ENTREP3: variants seen among roughly 807,000 people sequenced by gnomAD.
ENTREP3 encodes endosomal transmembrane epsin interactor 3.
chr1:155,250,350 T>C, the ENTREP3 span: 1 of 1,535,920 alleles, frequency 6.5e-7, no homozygotes, highest in Non-Finnish European at 8.8e-7. The surrounding 1 kb of genome is among the most constrained non-coding windows in gnomAD (Gnocchi z 5.4). Flanking sequence ...GGATGCCGGA[T>C]GAGGAGGCCG....
At chr1:155,250,279 T>C in the ENTREP3 span, 1 of 1,546,728 alleles carries the variant, frequency 6.5e-7, no homozygotes, top group South Asian at 1.2e-5. The surrounding 1 kb of genome is among the most constrained non-coding windows in gnomAD (Gnocchi z 5.4). Context: ...GGCTCACCAG[T>C]GTCACTGGAG....
chr1:155,252,259 G>A, the ENTREP3 span, among the ~76,000 whole-genome samples: 3 of 150,930 alleles, frequency 2.0e-5, no homozygotes, highest in Admixed American at 6.6e-5. Flanking sequence ...GTGCAGTGGC[G>A]CGATCTCAGC....
At chr1:155,255,235 G>A in the ENTREP3 span, 3 of 379,684 alleles carry the variant, frequency 7.9e-6, no homozygotes, top group Admixed American at 1.2e-4. This position sits in a 1 kb window ranked among gnomAD's most constrained non-coding sequence, Gnocchi z 5.6. Flanking sequence ...GCCCAGGGAG[G>A]GGTGGGGAGG....
the ENTREP3 span, chr1:155,254,438 C>G: frequency 6.2e-7 from 1 of 1,614,222 alleles, no homozygotes; most frequent in East Asian, 2.2e-5. This position sits in a 1 kb window ranked among gnomAD's most constrained non-coding sequence, Gnocchi z 4.4. Flanking sequence ...ACAATGCCAA[C>G]CACCCCGGAG....
the ENTREP3 span, among the ~76,000 whole-genome samples, chr1:155,249,599 C>T: frequency 6.6e-6 from 1 of 151,504 alleles, no homozygotes; most frequent in Non-Finnish European, 1.5e-5. Context: ...ACAAAAATTG[C>T]CCGGGCACGG....
At chr1:155,251,505 G>A in the ENTREP3 span, 1 of 1,611,990 alleles carries the variant, frequency 6.2e-7, no homozygotes, top group East Asian at 2.2e-5. Context: ...CTCTCACCTG[G>A]CTGTCTCCTC....
the ENTREP3 span, chr1:155,250,419 G>GTGGGCGGGGCTGCGGC: frequency 2.0e-6 from 3 of 1,499,800 alleles, no homozygotes; most frequent in African/African-American, 2.8e-5. This position sits in a 1 kb window ranked among gnomAD's most constrained non-coding sequence, Gnocchi z 5.4. Context: ...CGGGGCTCGG[G>GTGGGCGGGGCTGCGGC]TGGGCGGGGC....
chr1:155,249,644 C>T, the ENTREP3 span, among the ~76,000 whole-genome samples: 12 of 152,062 alleles, frequency 7.9e-5, no homozygotes, highest in African/African-American at 2.4e-4. Flanking sequence ...CTTTGGGAGG[C>T]CGAGGCGGGC....
chr1:155,250,298 G>A, the ENTREP3 span: 1 of 1,547,734 alleles, frequency 6.5e-7, no homozygotes, highest in East Asian at 2.5e-5. The surrounding 1 kb of genome is among the most constrained non-coding windows in gnomAD (Gnocchi z 5.4). Flanking sequence ...AGGTCGTGAT[G>A]CCTGGGTCGC....
At chr1:155,253,308 G>A in the ENTREP3 span, 4 of 266,198 alleles carry the variant, frequency 1.5e-5, no homozygotes, top group Non-Finnish European at 2.8e-5. Flanking sequence ...GCCTCTCAAA[G>A]TGCTGGGATT....
the ENTREP3 span, chr1:155,250,325 C>A: frequency 6.5e-7 from 1 of 1,547,692 alleles, no homozygotes; most frequent in South Asian, 1.2e-5. This position sits in a 1 kb window ranked among gnomAD's most constrained non-coding sequence, Gnocchi z 5.4. Flanking sequence ...ACCGTGGCAG[C>A]AGCAGCGGTG....
chr1:155,247,738 T>C, the ENTREP3 span: 5 of 1,453,072 alleles, frequency 3.4e-6, no homozygotes, highest in South Asian at 7.3e-5. Context: ...CCCAACCAGC[T>C]GGTGCCTGTG....
the ENTREP3 span, chr1:155,250,802 A>G: frequency 6.2e-7 from 1 of 1,607,136 alleles, no homozygotes; most frequent in Non-Finnish European, 8.5e-7. This position sits in a 1 kb window ranked among gnomAD's most constrained non-coding sequence, Gnocchi z 5.4. Context: ...ACAGCACCAG[A>G]GACCCGCTGT....
the ENTREP3 span, chr1:155,247,350 C>T: frequency 2.1e-6 from 1 of 474,980 alleles, no homozygotes; most frequent in Non-Finnish European, 4.2e-6. Context: ...CTAGAGGTGG[C>T]AGAGCTGAGA....
At chr1:155,251,864 C>T in the ENTREP3 span, 1 of 1,509,328 alleles carries the variant, frequency 6.6e-7, no homozygotes, top group East Asian at 2.4e-5. Context: ...ACGTGCAGCC[C>T]AGAGGTCCCA....
the ENTREP3 span, chr1:155,250,812 T>C: frequency 1.2e-5 from 19 of 1,603,774 alleles, 1 homozygote; most frequent in South Asian, 1.9e-4. This position sits in a 1 kb window ranked among gnomAD's most constrained non-coding sequence, Gnocchi z 5.4. Flanking sequence ...AGACCCGCTG[T>C]CCATGGACAC....
At chr1:155,250,588 G>A in the ENTREP3 span, 5 of 1,605,218 alleles carry the variant, frequency 3.1e-6, no homozygotes, top group Admixed American at 3.4e-5. This position sits in a 1 kb window ranked among gnomAD's most constrained non-coding sequence, Gnocchi z 5.4. Flanking sequence ...GAATAGGAGC[G>A]GGCAGCCCGT....
the ENTREP3 span, chr1:155,255,264 GA>G: frequency 6.4e-6 from 2 of 313,696 alleles, no homozygotes; most frequent in Non-Finnish European, 1.2e-5. The surrounding 1 kb of genome is among the most constrained non-coding windows in gnomAD (Gnocchi z 5.6). Context: ...GGGAAGGATG[GA>G]AATAAGTCTA....
At chr1:155,251,772 G>A in the ENTREP3 span, 3 of 1,608,272 alleles carry the variant, frequency 1.9e-6, no homozygotes, top group Admixed American at 3.4e-5. Context: ...ATACTCTGGG[G>A]GATAGTAGGG....
Sources: allele counts gnomAD v4.1 joint callset (sites outside exome capture counted in the v4.1 genomes callset), GRCh38; gene constraint gnomAD v4.1.1; non-coding constraint Gnocchi (gnomAD v3.1); transcripts MANE v1.5; gene names NCBI Gene and HGNC (gene_info 2026-07-23, HGNC 2026-07-21).